Variants in DPP6 observed in about 807,000 individuals in gnomAD.
DPP6 encodes dipeptidyl peptidase like 6, also known as A-type potassium channel modulatory protein DPP6.
Under a neutral mutation model 122.6 loss-of-function variants are expected in DPP6, and 69 were observed. The observed-to-expected ratio is 0.56, with a 90% CI of 0.46 to 0.69. DPP6 has a LOEUF of 0.69. Among genes scored for constraint, DPP6 ranks in the 30% least tolerant of loss-of-function variants. The pLI is 0.00. For synonymous variants in DPP6, 418 were observed against 433.1 expected (o/e 0.97, Z 0.43); for missense variants, 928 against 1,116.9 (o/e 0.83, Z 2.41).
chr7:154,105,774 C>T (rs1806113529), intron 1 of DPP6, among the ~76,000 whole-genome samples: 1 of 152,222 alleles, frequency 6.6e-6, no homozygotes, highest in South Asian at 2.1e-4. Flanking sequence ...TTCTCCTTTG[C>T]CTTCTGCCGT....
chr7:153,904,503 G>C (rs895040474), intron 1 of DPP6, among the ~76,000 whole-genome samples: 1 of 152,190 alleles, frequency 6.6e-6, no homozygotes, highest in Non-Finnish European at 1.5e-5. Flanking sequence ...AAAGGCTTGA[G>C]GGGGAGGGCA....
chr7:154,273,889 T>G (rs1454496648), intron 1 of DPP6, among the ~76,000 whole-genome samples: 1 of 152,220 alleles, frequency 6.6e-6, no homozygotes, highest in Non-Finnish European at 1.5e-5. Context: ...CTATCAACAC[T>G]TTGTGTGAGA....
At chr7:154,810,351 G>A (rs1798971195) in intron 16 of DPP6, among the ~76,000 whole-genome samples, 1 of 152,182 alleles carries the variant, frequency 6.6e-6, no homozygotes, top group South Asian at 2.1e-4. Context: ...AGGCAGGGAA[G>A]TTCCAGTTCC....
At chr7:154,751,753 GC>G (rs1165119925) in intron 8 of DPP6, among the ~76,000 whole-genome samples, 1 of 152,108 alleles carries the variant, frequency 6.6e-6, no homozygotes, top group Non-Finnish European at 1.5e-5. Flanking sequence ...CTAGAGCAGC[GC>G]CCCCGAGGCA....
At chr7:154,298,664 T>A (rs529640818) in intron 1 of DPP6, among the ~76,000 whole-genome samples, 1 of 152,220 alleles carries the variant, frequency 6.6e-6, no homozygotes, top group Admixed American at 6.5e-5. Flanking sequence ...GGGGTGAAGG[T>A]GATGAGTGCG....
chr7:153,786,536 G>A, the DPP6 span, among the ~76,000 whole-genome samples: 3 of 151,184 alleles, frequency 2.0e-5, no homozygotes, highest in Non-Finnish European at 3.0e-5. Flanking sequence ...TCAGGAGATC[G>A]AGACCATCCT....
chr7:154,362,087 G>T (rs760493289), intron 1 of DPP6, among the ~76,000 whole-genome samples: 3 of 152,186 alleles, frequency 2.0e-5, no homozygotes, highest in Non-Finnish European at 4.4e-5. Context: ...TATCTAAAGG[G>T]TGAATTCAGG....
intron 4 of DPP6, among the ~76,000 whole-genome samples, chr7:154,548,605 A>G (rs538369912): frequency 1.3e-5 from 2 of 151,976 alleles, no homozygotes; most frequent in Admixed American, 6.5e-5. Flanking sequence ...TGTTCCCTGC[A>G]GGCTAAGGGC....
chr7:153,831,372 C>G, the DPP6 span, among the ~76,000 whole-genome samples: 631 of 152,252 alleles, frequency 4.1e-3, 2 homozygotes, highest in African/African-American at 0.015. Flanking sequence ...GAGTGAAAGG[C>G]AGCCAGCAAA....
At chr7:154,608,572 A>G (rs183573852) in intron 5 of DPP6, among the ~76,000 whole-genome samples, 23 of 146,474 alleles carry the variant, frequency 1.6e-4, no homozygotes, top group Middle Eastern at 7.8e-3. Context: ...CCTGACCTCA[A>G]GTGATCCGCC....
chr7:153,928,395 C>CTTTTTTTTTTTTT (rs1467865041), intron 1 of DPP6, among the ~76,000 whole-genome samples: 49 of 29,952 alleles, frequency 1.6e-3, no homozygotes, highest in Non-Finnish European at 2.4e-3. Context: ...TCTTTTCTTT[C>CTTTTTTTTTTTTT]ATTTTTTTTT....
At chr7:154,664,576 G>A (rs763882707) in intron 6 of DPP6, among the ~76,000 whole-genome samples, 22 of 151,618 alleles carry the variant, frequency 1.5e-4, no homozygotes, top group South Asian at 4.2e-4. Context: ...GCCACCTCTC[G>A]AACCTACCTT....
At chr7:153,773,443 A>G in the DPP6 span, among the ~76,000 whole-genome samples, 3 of 151,760 alleles carry the variant, frequency 2.0e-5, no homozygotes, top group Non-Finnish European at 4.4e-5. Context: ...ATTATTCACC[A>G]AGACAGACTA....
At chr7:153,913,188 C>A (rs186569797) in intron 1 of DPP6, among the ~76,000 whole-genome samples, 1 of 152,142 alleles carries the variant, frequency 6.6e-6, no homozygotes, top group African/African-American at 2.4e-5. Flanking sequence ...AATTCTCATG[C>A]CTCAGCCTCC....
chr7:154,310,527 G>GT (rs1241567349), intron 1 of DPP6, among the ~76,000 whole-genome samples: 6 of 152,134 alleles, frequency 3.9e-5, no homozygotes, highest in Non-Finnish European at 4.4e-5. Flanking sequence ...GTTTGGTTTT[G>GT]TTTTTTAAAA....
At chr7:154,122,291 C>T (rs982624902) in intron 1 of DPP6, among the ~76,000 whole-genome samples, 1 of 152,008 alleles carries the variant, frequency 6.6e-6, no homozygotes, top group African/African-American at 2.4e-5. Context: ...TGTGGAGGGG[C>T]GGCAGTGGTG....
chr7:154,534,194 A>AT (rs1828060542), intron 3 of DPP6, among the ~76,000 whole-genome samples: 1 of 152,166 alleles, frequency 6.6e-6, no homozygotes, highest in African/African-American at 2.4e-5. Context: ...GCGTTTTATG[A>AT]TAAAATCTTT....
the DPP6 span, among the ~76,000 whole-genome samples, chr7:153,810,105 T>C: frequency 4.6e-5 from 7 of 152,276 alleles, no homozygotes; most frequent in Non-Finnish European, 8.8e-5. Flanking sequence ...GTTCACCGAC[T>C]TGATGCCATA....
chr7:154,556,926 TG>T (rs1378014654), intron 4 of DPP6, among the ~76,000 whole-genome samples: 2 of 53,818 alleles, frequency 3.7e-5, no homozygotes, highest in East Asian at 2.9e-4. Context: ...ATGTGTTAGA[TG>T]TTTTTTTGCA....
Sources: gnomAD v4.1 joint callset for allele counts (sites outside exome capture counted in the v4.1 genomes callset) on GRCh38, gnomAD v4.1.1 for gene constraint, MANE v1.5 for transcripts, NCBI Gene and HGNC (gene_info 2026-07-23, HGNC 2026-07-21) for gene names.